The following PPFIBP2 variants were observed in gnomAD, a reference collection of about 807,000 sequenced individuals.
PPFIBP2 encodes the protein PPFIB scaffold protein 2, also known as liprin-beta-2.
PPFIBP2 carries 118 observed loss-of-function variants against 118.3 expected under a neutral mutation model. The ratio of observed to expected loss-of-function variants is 1.00; its 90% CI spans 0.86 to 1.16. The LOEUF is 1.16. PPFIBP2 is among the 50% of genes most tolerant of loss of function. The pLI, the probability that PPFIBP2 is intolerant of heterozygous loss-of-function variation, is 0.00. For missense variants in PPFIBP2, 1,195 were observed against 1,073.1 expected, an observed-to-expected ratio of 1.11 and a Z score of -1.59; for synonymous variants, 414 against 397.4, an observed-to-expected ratio of 1.04 and a Z score of -0.50.
At chr11:7,605,263 T>C (rs1461677979) in intron 5 of PPFIBP2, among the ~76,000 whole-genome samples, 1 of 152,208 alleles carries the variant, frequency 6.6e-6, no homozygotes, top group Non-Finnish European at 1.5e-5. Context: ...CTAGGAAACT[T>C]TGAAATAGAA....
In PPFIBP2 at chr11:7,514,069, G is replaced by A. The variant is rs758953184; in HGVS notation, c.-89G>A. The A allele has an allele frequency of 7.2e-5, 11 of 152,328 alleles. No homozygotes were observed. Among genetic ancestry groups the A allele is most frequent in the Non-Finnish European group, 1.3e-4 (9 of 68,130 alleles). The allele number at this position is 152,328 out of a possible 1,614,324, so 9.4% of individuals were successfully genotyped here. On this transcript the variant is annotated 5_prime_UTR_variant, in exon 1 of 24. Transcript: ENST00000299492. ...ATGTTTGAAGGTGGGAGGGACACGGGAGCGGCCCGCACACCTGAGCCGCCC... is the reference window on the plus strand; with the variant it reads ...ATGTTTGAAGGTGGGAGGGACACGGAAGCGGCCCGCACACCTGAGCCGCCC...
chr11:7,529,492 T>A (rs556331469), intron 1 of PPFIBP2, among the ~76,000 whole-genome samples: 2 of 152,134 alleles, frequency 1.3e-5, no homozygotes, highest in Non-Finnish European at 2.9e-5. Flanking sequence ...CTTTCTCAGA[T>A]ACCAGTACGG....
chr11:7,547,313 C>T (rs1191410531), intron 1 of PPFIBP2, among the ~76,000 whole-genome samples: 1 of 152,044 alleles, frequency 6.6e-6, no homozygotes, highest in Non-Finnish European at 1.5e-5. Flanking sequence ...TCTTGGAGGG[C>T]TCGGGAGCAG....
intron 5 of PPFIBP2, among the ~76,000 whole-genome samples, chr11:7,607,516 A>T (rs1847540427): frequency 6.6e-6 from 1 of 152,110 alleles, no homozygotes; most frequent in African/African-American, 2.4e-5. Context: ...GCCCAGGCTG[A>T]GCATCACCTT....
intron 3 of PPFIBP2, among the ~76,000 whole-genome samples, chr11:7,569,844 C>A (rs1179791949): frequency 2.6e-5 from 4 of 152,186 alleles, no homozygotes; most frequent in Non-Finnish European, 5.9e-5. Flanking sequence ...AGAAAAGGGG[C>A]AGCCTCCTCC....
rs757213341 is a variant in PPFIBP2 at position 7,653,205 on chromosome 11, G to T, written c.2618G>T (p.Gly873Val). The T allele has an allele frequency of 1.9e-6, 3 of 1,614,120 alleles. No homozygotes were observed. Among genetic ancestry groups the T allele is most frequent in the Non-Finnish European group, 1.7e-6 (2 of 1,180,034 alleles). ...GAACTGGATGGGCTGGACCAGGTGG[G>T]ACAGATTAGCTGATGCCCTTGTCAC... ...APELDGLDQVGQIS is the reference protein window; with the variant it reads ...APELDGLDQVVQIS Residue 873 changes from glycine to valine, a missense_variant, in exon 24 of 24, where the codon GGA becomes GTA. Gly to Val is a moderately radical substitution (Grantham distance 109). Coordinates refer to ENST00000299492, the MANE Select transcript of PPFIBP2 (RefSeq NM_003621.5).
intron 3 of PPFIBP2, among the ~76,000 whole-genome samples, chr11:7,569,609 C>T (rs1855424151): frequency 6.6e-6 from 1 of 152,148 alleles, no homozygotes; most frequent in Non-Finnish European, 1.5e-5. Context: ...TAGAGGGTGT[C>T]TTGGGGTCTA....
At chr11:7,560,416 TAC>T (rs996241700) in intron 2 of PPFIBP2, among the ~76,000 whole-genome samples, 54 of 152,324 alleles carry the variant, frequency 3.5e-4, no homozygotes, top group Middle Eastern at 3.4e-3. Flanking sequence ...TATATATATA[TAC>T]CATATACATA....
At chr11:7,601,577 C>A (rs1027491819) in intron 5 of PPFIBP2, among the ~76,000 whole-genome samples, 1 of 152,150 alleles carries the variant, frequency 6.6e-6, no homozygotes, top group South Asian at 2.1e-4. Context: ...AAGCATCTCT[C>A]AGGACTGCCT....
At chr11:7,657,864 C>T (rs533570938), downstream of PPFIBP2, among the ~76,000 whole-genome samples, 12 of 152,340 alleles carry the variant, frequency 7.9e-5, no homozygotes, top group East Asian at 1.4e-3. Context: ...TTACCATACC[C>T]GTCCTCACCA....
intron 3 of PPFIBP2, among the ~76,000 whole-genome samples, chr11:7,573,635 A>T (rs6578878): frequency 0.56 from 85,193 of 152,130 alleles, 26,750 homozygotes; most frequent in African/African-American, 0.86. Flanking sequence ...TTCTCCATGC[A>T]TGTGTTCTGT....
chr11:7,633,246 T>G (rs1368675727), intron 12 of PPFIBP2, among the ~76,000 whole-genome samples: 3 of 152,298 alleles, frequency 2.0e-5, no homozygotes, highest in African/African-American at 7.2e-5. Flanking sequence ...GAGCATCCCG[T>G]GATGTGTGTT....
At chr11:7,537,067 GCCT>G (rs918330362) in intron 1 of PPFIBP2, among the ~76,000 whole-genome samples, 2 of 152,066 alleles carry the variant, frequency 1.3e-5, no homozygotes, top group Admixed American at 1.3e-4. Context: ...TCAGGTCCCC[GCCT>G]CCTCCTCCTA....
At chr11:7,634,614 T>C in intron 13 of PPFIBP2, 62 bp downstream of exon 13, 1 of 1,309,010 alleles carries the variant, frequency 7.6e-7, no homozygotes, top group South Asian at 1.2e-5. Flanking sequence ...AGCATAGTAC[T>C]GGGATATACA....
In PPFIBP2 at chr11:7,549,529, G is replaced by T; in HGVS notation, c.54G>T (p.Gly18=). 6.4e-7 allele frequency: 1 copy of T among 1,563,230 alleles called. No homozygotes were observed. The highest frequency in any genetic ancestry group is 2.4e-5 in the East Asian group (1 of 41,606). The change falls in exon 2 of 24, where the codon GGG becomes GGT. Residue 18 remains glycine, a synonymous_variant. Coordinates refer to ENST00000299492, the MANE Select transcript of PPFIBP2 (RefSeq NM_003621.5). ...ALEAALEQMD[G]IIAGTKTGAD... is the part of the protein sequence containing the mutation. ...AAGCTGCCCTGGAGCAAATGGACGG[G>T]ATCATTGCAGGTACGCCCAGGGAAC...
At position 7,610,758 on chromosome 11, in the gene PPFIBP2, G is replaced by A. The variant is rs1022038343; in HGVS notation, c.618+336G>A. 5.9e-5 allele frequency among the ~76,000 whole-genome samples: 9 copies of A among 152,170 alleles called. No homozygotes were observed. In the South Asian group the frequency reaches 8.3e-4, roughly 14 times the overall value. ...AGAACCAAGGAAATGACGACGTACC[G>A]GAATGAAGTCAGCCTCCCAATAGGC... is the stretch of plus-strand genomic sequence containing the variant. On this transcript the variant is annotated intron_variant, in intron 6 of 23. Transcript: ENST00000299492.
At chr11:7,529,528 C>G (rs897977798) in intron 1 of PPFIBP2, among the ~76,000 whole-genome samples, 3 of 152,164 alleles carry the variant, frequency 2.0e-5, no homozygotes, top group Non-Finnish European at 4.4e-5. Context: ...TCAAGGCCAT[C>G]TCTAGAGTTA....
intron 4 of PPFIBP2, chr11:7,597,191 A>G (rs1860493479): frequency 6.8e-7 from 1 of 1,479,328 alleles, no homozygotes; most frequent in Non-Finnish European, 8.9e-7. Context: ...ACGAGGTTGC[A>G]GAAGTGCTGG....
In PPFIBP2 at chr11:7,625,889, G is replaced by C. The variant is rs773268909; in HGVS notation, c.824G>C (p.Arg275Thr). The change falls in exon 8 of 24, where the codon AGA becomes ACA. Residue 275 changes from arginine to threonine, a missense_variant and splice_region_variant. Arg to Thr is a moderately conservative substitution (Grantham distance 71). Transcript: ENST00000299492. ...CTCCACAGTGAGAGTCACACAGAGA[G>C]AGGTGACTAGCTTGACTCTGACAAA... is the stretch of plus-strand genomic sequence containing the variant. ...AALHSESHTE[R>T]DQEIQRLKMG... 2.5e-6 allele frequency: 4 copies of C among 1,613,296 alleles called. No individual in the cohort carries two copies. In the South Asian group the frequency reaches 4.4e-5, roughly 18 times the overall value.
Sources: allele counts gnomAD v4.1 joint callset (sites outside exome capture counted in the v4.1 genomes callset), GRCh38; gene constraint gnomAD v4.1.1; transcripts MANE v1.5; gene names NCBI Gene and HGNC (gene_info 2026-07-23, HGNC 2026-07-21).